MDN1: variants seen among roughly 807,000 people sequenced by gnomAD.
MDN1 encodes the protein midasin.
A neutral mutation model predicts 669.2 loss-of-function variants in MDN1; 266 were observed. The ratio of observed to expected loss-of-function variants is 0.40; its 90% CI spans 0.36 to 0.44. The LOEUF is 0.44. MDN1 is among the 20% of genes least tolerant of loss of function. MDN1 has a pLI of 1.00. For missense variants in MDN1, 5,940 were observed against 6,754.0 expected, an observed-to-expected ratio of 0.88 and a Z score of 4.22; for synonymous variants, 2,385 against 2,457.1, an observed-to-expected ratio of 0.97 and a Z score of 0.87.
intron 24 of MDN1, 86 bp from the exon 25 acceptor site, chr6:89,749,837 T>G: frequency 2.8e-6 from 3 of 1,089,942 alleles, no homozygotes; most frequent in Non-Finnish European, 4.0e-6. Context: ...AAATCCTAGG[T>G]TATCATCAAA....
chr6:89,754,192 A>G lies in MDN1; in HGVS notation c.2855T>C (p.Leu952Pro), dbSNP rs149077377. 2 of 1,614,014 alleles carry G rather than the reference A, an allele frequency of 1.2e-6. No homozygotes were observed. The highest frequency in any genetic ancestry group is 1.3e-5 in the African/African-American group (1 of 74,942). ...AGGTCTATGGCCAGTGCCATCCACC[A>G]GTTTGGTCCCAGACTCTTTCCGCAA... ...TALRKESGTK[L>P]VDGTGHRPHY... The change falls in exon 21 of 102, where the codon CTG (leucine) becomes CCG (proline). Residue 952 changes from leucine (L) to proline (P), a missense_variant. Coordinates refer to ENST00000369393, the MANE Select transcript of MDN1 (RefSeq NM_014611.3).
chr6:89,780,799 C>T (rs1287978033), intron 10 of MDN1, among the ~76,000 whole-genome samples: 1 of 137,414 alleles, frequency 7.3e-6, no homozygotes, highest in Non-Finnish European at 1.5e-5. Context: ...TGCCACCGTG[C>T]CTGGCTAATT....
At chr6:89,679,375 T>C (rs915476957) in intron 74 of MDN1, among the ~76,000 whole-genome samples, 1 of 152,116 alleles carries the variant, frequency 6.6e-6, no homozygotes. Context: ...TGAATACACG[T>C]GGGTACCAAT....
intron 53 of MDN1, among the ~76,000 whole-genome samples, chr6:89,703,481 TGA>T (rs1039612866): frequency 1.1e-4 from 17 of 152,120 alleles, no homozygotes; most frequent in Admixed American, 1.1e-3. Flanking sequence ...TCAGGTAATA[TGA>T]GTCTCCAACA....
chr6:89,747,401 A>G lies in MDN1; in HGVS notation c.3832T>C (p.Trp1278Arg), dbSNP rs1397473764. The G allele has an allele frequency of 1.2e-6, 2 of 1,614,136 alleles. No individual in the cohort carries two copies. Among genetic ancestry groups the G allele is most frequent in the African/African-American group, 1.3e-5 (1 of 75,046 alleles). Residue 1278 changes from tryptophan to arginine, a missense_variant, in exon 27 of 102, where the codon TGG becomes CGG. By Grantham distance (101) the Trp-to-Arg change is moderately radical (BLOSUM62 -3). Coordinates refer to ENST00000369393, the MANE Select transcript of MDN1 (RefSeq NM_014611.3). ...GFITLRDLFR[W>R]AERYRLAEPT... ...TCAGCCAATCTGTATCTTTCAGCCCATCGGAACAGATCACGAAGGGTGATG... is the reference window on the plus strand; with the variant it reads ...TCAGCCAATCTGTATCTTTCAGCCCGTCGGAACAGATCACGAAGGGTGATG...
chr6:89,717,063 T>C (rs570655164), intron 43 of MDN1, among the ~76,000 whole-genome samples: 1 of 152,358 alleles, frequency 6.6e-6, no homozygotes, highest in South Asian at 2.1e-4. Context: ...GCAAATGATT[T>C]TTCTGTATTA....
chr6:89,787,855 T>A lies in MDN1; in HGVS notation c.1333A>T (p.Arg445Ter). 6.2e-7 allele frequency: 1 copy of A among 1,611,380 alleles called. No individual in the cohort carries two copies. The highest frequency in any genetic ancestry group is 1.1e-5 in the South Asian group (1 of 90,982). The change falls in exon 8 of 102, where the codon AGA (arginine) becomes TGA (stop). Residue 445 changes from arginine (R) to a stop codon, truncating the protein, a stop_gained and splice_region_variant. Transcript: ENST00000369393. LOFTEE classifies it high-confidence loss of function. ...APGFQFFATR[R>*]LLSCGGNWYR... is the part of the protein sequence containing the mutation. ...AACAGAAAGGTTACTAGTACATACC[T>A]CCTGGTTGCAAAAAACTGAAATCCA...
rs150738104 is a variant in MDN1 at position 89,688,790 on chromosome 6, C to T, written c.11042G>A (p.Arg3681Gln). Residue 3681 changes from arginine (R) to glutamine (Q), a missense_variant, in exon 66 of 102, where the codon CGA (arginine) becomes CAA (glutamine). Physicochemically the swap from Arg to Gln is conservative, Grantham distance 43. Coordinates refer to ENST00000369393, the MANE Select transcript of MDN1 (RefSeq NM_014611.3). ...GGCCAAAAGTTGGCTGCCCAAGAGT[C>T]GGTCATTCAGTTCAACTCCTGTGAA... is the stretch of plus-strand genomic sequence containing the variant. ...YPLMGVELND[R>Q]LLGSQLLACT... is the part of the protein sequence containing the mutation. The T allele has an allele frequency of 7.4e-6, 12 of 1,613,924 alleles. No homozygotes were observed. In the African/African-American group the frequency reaches 1.1e-4, roughly 14 times the overall value.
At chr6:89,715,578 G>C (rs1191947856) in intron 45 of MDN1, 75 bp downstream of exon 45, 1 of 858,520 alleles carries the variant, frequency 1.2e-6, no homozygotes, top group Non-Finnish European at 2.0e-6. Context: ...AATATATAAG[G>C]AAGTCCTACT....
intron 1 of MDN1, among the ~76,000 whole-genome samples, chr6:89,804,757 C>A (rs1409717417): frequency 2.6e-5 from 4 of 152,136 alleles, no homozygotes; most frequent in African/African-American, 9.7e-5. Context: ...CTAGGCCGGG[C>A]GCAGTGGCTC....
chr6:89,675,346 A>G, intron 78 of MDN1, 118 bp downstream of exon 78: 1 of 840,514 alleles, frequency 1.2e-6, no homozygotes, highest in Non-Finnish European at 1.8e-6. Context: ...TTTGGGCCTT[A>G]AATTCATTTC....
In MDN1 at chr6:89,729,101, G is replaced by C. The variant is rs764417314; in HGVS notation, c.5179C>G (p.Leu1727Val). The change falls in exon 36 of 102, where the codon CTC becomes GTC. Residue 1727 changes from leucine to valine, a missense_variant. Around this residue, in one of 5 missense-constraint regions of MDN1, gnomAD observed 2,292 missense variants for 2,638.3 expected, o/e 0.87. Coordinates refer to ENST00000369393, the MANE Select transcript of MDN1 (RefSeq NM_014611.3). ...TTCATAGCAGTGGTCCCTGCACTGA[G>C]TGCATAGTCTGCAATATTATTCCTG... ...LHRNNIADYA[L>V]SAGTTAMNAQ... 35 of 1,613,666 alleles carry C rather than the reference G, an allele frequency of 2.2e-5. No homozygotes were observed. In the Admixed American group the frequency reaches 5.0e-4, roughly 23 times the overall value.
chr6:89,696,049 T>G, intron 60 of MDN1, 57 bp from the exon 61 acceptor site: 2 of 1,531,136 alleles, frequency 1.3e-6, no homozygotes, highest in Non-Finnish European at 1.8e-6. Context: ...AAGCATTCCT[T>G]TTCATACAGT....
In MDN1 at chr6:89,681,117, C is replaced by T. The variant is rs1811587776; in HGVS notation, c.12103-366G>A. On this transcript the variant is annotated intron_variant, in intron 73 of 101. Transcript: ENST00000369393. ...GACACAGCAGCCAGGCGAAACTGGT[C>T]CTACTCCTGTGACCAGTTACCCCTA... 2.6e-5 allele frequency among the ~76,000 whole-genome samples: 4 copies of T among 152,104 alleles called. No individual in the cohort carries two copies. In the South Asian group the frequency reaches 8.3e-4, roughly 32 times the overall value.
chr6:89,799,621 T>C (rs928630656), intron 2 of MDN1, among the ~76,000 whole-genome samples: 10 of 152,086 alleles, frequency 6.6e-5, no homozygotes, highest in African/African-American at 2.4e-4. Flanking sequence ...AGGCAGAAGT[T>C]GCAGTGAGCC....
In MDN1 at chr6:89,789,833, T is replaced by A; in HGVS notation, c.1177A>T (p.Thr393Ser). ...WQPGTLTQAA[T>S]MGHWILLEDI... is the part of the protein sequence containing the mutation. ...TCCAGAAGGATCCAGTGGCCCATTGTGGCTGCCTGTGTCAGGGTGCCAGGC... is the reference window on the plus strand; with the variant it reads ...TCCAGAAGGATCCAGTGGCCCATTGAGGCTGCCTGTGTCAGGGTGCCAGGC... The change falls in exon 7 of 102, where the codon ACA becomes TCA. Residue 393 changes from threonine to serine, a missense_variant. Coordinates refer to ENST00000369393, the MANE Select transcript of MDN1 (RefSeq NM_014611.3). 6.2e-7 allele frequency: 1 copy of A among 1,614,170 alleles called. No individual in the cohort carries two copies. The highest frequency in any genetic ancestry group is 8.5e-7 in the Non-Finnish European group (1 of 1,180,012).
intron 84 of MDN1, among the ~76,000 whole-genome samples, chr6:89,665,760 C>G (rs1457565198): frequency 6.6e-6 from 1 of 150,940 alleles, no homozygotes; most frequent in Non-Finnish European, 1.5e-5. Context: ...AAAGTAATAG[C>G]CAGGCATGGT....
intron 9 of MDN1, among the ~76,000 whole-genome samples, chr6:89,783,835 G>T (rs1308311440): frequency 1.3e-5 from 2 of 152,016 alleles, no homozygotes; most frequent in Admixed American, 1.3e-4. Flanking sequence ...TTGTAATATT[G>T]GGGGTGGGTT....
intron 1 of MDN1, among the ~76,000 whole-genome samples, chr6:89,807,589 T>C (rs1216289229): frequency 6.6e-6 from 1 of 152,226 alleles, no homozygotes; most frequent in Non-Finnish European, 1.5e-5. Flanking sequence ...TTTAAGATTA[T>C]GAGTTTTTGG....
Sources: gnomAD v4.1 joint callset for allele counts (sites outside exome capture counted in the v4.1 genomes callset) on GRCh38, gnomAD v4.1.1 for gene constraint, gnomAD v4.1.1 regional missense constraint, MANE v1.5 for transcripts, NCBI Gene and HGNC (gene_info 2026-07-23, HGNC 2026-07-21) for gene names.